TRIB1: variants seen among roughly 807,000 people sequenced by gnomAD.
The protein encoded by TRIB1 is tribbles pseudokinase 1, also known as tribbles homolog 1.
Under a neutral mutation model 27.8 loss-of-function variants are expected in TRIB1, and 12 were observed. The observed-to-expected ratio is 0.43, with a 90% CI of 0.28 to 0.70. TRIB1 has a LOEUF of 0.70. Ranked by LOEUF, TRIB1 falls within the 30% of genes least tolerant of loss-of-function variation. The pLI, the probability that TRIB1 is intolerant of heterozygous loss-of-function variation, is 0.18. For missense variants in TRIB1, 475 were observed against 515.8 expected, an observed-to-expected ratio of 0.92 and a Z score of 0.77; for synonymous variants, 230 against 224.9, an observed-to-expected ratio of 1.02 and a Z score of -0.20.
rs1474224676 is a variant in TRIB1 at position 125,430,530 on chromosome 8, C to G, written c.-373C>G. 5.0e-6 allele frequency: 1 copy of G among 201,226 alleles called. No individual in the cohort carries two copies. The highest frequency in any genetic ancestry group is 1.0e-5 in the Non-Finnish European group (1 of 99,556). The allele number at this position is 201,226 out of a possible 1,614,324, so 12.5% of individuals were successfully genotyped here. A position where few individuals can be genotyped will look rare whatever the true frequency, so the allele number is the denominator to read the frequency against. On this transcript the variant is annotated 5_prime_UTR_variant, in exon 1 of 3. It adds an upstream start codon to the 5' untranslated region. Coordinates refer to ENST00000311922, the MANE Select transcript of TRIB1 (RefSeq NM_025195.4). Reference sequence around the variant, plus strand: ...CGTGGCTCCGCCGAGCCTGCTGAATCCTGTCCTCGCGGCTCGGGACCCCGG... The same window carrying G: ...CGTGGCTCCGCCGAGCCTGCTGAATGCTGTCCTCGCGGCTCGGGACCCCGG...
rs969410055 is a variant in TRIB1, at chr8:125,436,684, T to C, written c.*213T>C. The stretch of plus-strand genomic sequence containing the variant: ...TGATTGGCTGCCCTGCAAATTTGTT[T>C]CCCTTAAGGAACCCTCACCAACTAT... On this transcript the variant is annotated 3_prime_UTR_variant, in exon 3 of 3. Transcript: ENST00000311922. The C allele has an allele frequency of 1.0e-5, 6 of 601,302 alleles. No individual in the cohort carries two copies. In the African/African-American group the frequency reaches 1.1e-4, roughly 11 times the overall value. 37.2% of individuals were successfully genotyped at this position (601,302 alleles called of 1,614,324 possible).
rs150909783 is a variant in TRIB1, at chr8:125,433,487, G to A, written c.531G>A (p.Leu177=). 1 of 1,614,118 alleles carries A rather than the reference G, an allele frequency of 6.2e-7. No individual in the cohort carries two copies. The highest frequency in any genetic ancestry group is 2.2e-5 in the East Asian group (1 of 44,898). Residue 177 remains leucine, a synonymous_variant, in exon 2 of 3, where the codon CTG becomes CTA. Coordinates refer to ENST00000311922, the MANE Select transcript of TRIB1 (RefSeq NM_025195.4). The surrounding 1 kb of genome is among the most constrained non-coding windows in gnomAD (Gnocchi z 4.4). ...MHSYVRSRKR[L]REEEAARLFK... is the part of the protein sequence containing the mutation. ...CCTATGTGCGAAGCCGGAAGAGGCTGCGGGAAGAGGAAGCCGCCCGGCTCT... is the reference window on the plus strand; with the variant it reads ...CCTATGTGCGAAGCCGGAAGAGGCTACGGGAAGAGGAAGCCGCCCGGCTCT...
rs769376251 is a variant in TRIB1 at position 125,433,073 on chromosome 8, C to G, written c.361-244C>G. ...ACAGGAGACAGTTCTTTCAAATCAT[C>G]TGTGTGAAAGCGGGTAACCCTTTGG... On this transcript the variant is annotated intron_variant, in intron 1 of 2. Transcript: ENST00000311922. This position sits in a 1 kb window ranked among gnomAD's most constrained non-coding sequence, Gnocchi z 4.4. The G allele has an allele frequency of 1.8e-4, 92 of 503,208 alleles. No homozygotes were observed. Among genetic ancestry groups the G allele is most frequent in the Non-Finnish European group, 3.0e-4 (83 of 280,028 alleles). 31.2% of individuals were successfully genotyped at this position (503,208 alleles called of 1,614,324 possible).
chr8:125,433,811 C>A lies in TRIB1; in HGVS notation c.653+202C>A, dbSNP rs115975962. 5.1e-6 allele frequency: 3 copies of A among 586,686 alleles called. No individual in the cohort carries two copies. Among genetic ancestry groups the A allele is most frequent in the Non-Finnish European group, 8.8e-6 (3 of 339,098 alleles). The allele number at this position is 586,686 out of a possible 1,614,324, so 36.3% of individuals were successfully genotyped here. A position where few individuals can be genotyped will look rare whatever the true frequency, so the allele number is the denominator to read the frequency against. ...TCTCTTGGACGGGGCCTGGGGACAC[C>A]GTGGCGCTTCTATGGGATGGCAAGT... is the stretch of plus-strand genomic sequence containing the variant. On this transcript the variant is annotated intron_variant, in intron 2 of 2. Coordinates refer to ENST00000311922, the MANE Select transcript of TRIB1 (RefSeq NM_025195.4). The surrounding 1 kb of genome is among the most constrained non-coding windows in gnomAD (Gnocchi z 4.4).
At chr8:125,431,996 G>T (rs1042216811) in intron 1 of TRIB1, among the ~76,000 whole-genome samples, 2 of 152,134 alleles carry the variant, frequency 1.3e-5, no homozygotes, top group African/African-American at 4.8e-5. Flanking sequence ...GGATCCGCCG[G>T]GTCCTCCTCC....
At position 125,430,894 on chromosome 8, in the gene TRIB1, C is replaced by T; in HGVS notation, c.-9C>T. On this transcript the variant is annotated 5_prime_UTR_variant, in exon 1 of 3. Coordinates refer to ENST00000311922, the MANE Select transcript of TRIB1 (RefSeq NM_025195.4). ...TTAAAAAGCCGGGGCCACCCCGGCC[C>T]AGGACGGGATGCGGGTCGGTCCGGT... 6 of 1,422,214 alleles carry T rather than the reference C, an allele frequency of 4.2e-6. No individual in the cohort carries two copies. The highest frequency in any genetic ancestry group is 5.5e-6 in the Non-Finnish European group (6 of 1,095,072). 88.1% of individuals were successfully genotyped at this position (1,422,214 alleles called of 1,614,324 possible). A position where few individuals can be genotyped will look rare whatever the true frequency, so the allele number is the denominator to read the frequency against.
At chr8:125,435,179 T>C (rs1277935597) in intron 2 of TRIB1, among the ~76,000 whole-genome samples, 1 of 151,596 alleles carries the variant, frequency 6.6e-6, no homozygotes, top group Non-Finnish European at 1.5e-5. Context: ...ACTGAAGGTG[T>C]TTTAGACTTT....
chr8:125,431,606 A>AC (rs538448003), intron 1 of TRIB1, among the ~76,000 whole-genome samples: 2 of 147,618 alleles, frequency 1.4e-5, no homozygotes, highest in Admixed American at 6.7e-5. Flanking sequence ...CTCGCTCTCC[A>AC]CCCCCCCTCC....
chr8:125,431,020 G>C lies in TRIB1; in HGVS notation c.118G>C (p.Ala40Pro). The change falls in exon 1 of 3, where the codon GCG becomes CCG. Residue 40 changes from alanine (A) to proline (P), a missense_variant. By Grantham distance (27) the Ala-to-Pro change is conservative (BLOSUM62 -1). Coordinates refer to ENST00000311922, the MANE Select transcript of TRIB1 (RefSeq NM_025195.4). ...PAKRLLDADD[A>P]AAVAAKCPRL... ...CAAACGCCTGCTGGACGCCGACGAC[G>C]CGGCGGCTGTGGCGGCCAAGTGCCC... 1 of 1,462,888 alleles carries C rather than the reference G, an allele frequency of 6.8e-7. No homozygotes were observed. The highest frequency in any genetic ancestry group is 9.0e-7 in the Non-Finnish European group (1 of 1,115,344). The allele number at this position is 1,462,888 out of a possible 1,614,324, so 90.6% of individuals were successfully genotyped here.
Position 125,436,430 on chromosome 8 carries a change from G to C in TRIB1, c.1078G>C (p.Glu360Gln), listed in dbSNP as rs1563825399. The C allele has an allele frequency of 6.2e-7, 1 of 1,613,910 alleles. No homozygotes were observed. The highest frequency in any genetic ancestry group is 8.5e-7 in the Non-Finnish European group (1 of 1,180,020). ...EIGTSDQIVP[E>Q]YQEDSDISSF... ...AGGAACTTCAGACCAGATTGTTCCAGAGTACCAGGAGGACAGTGACATTAG... is the reference window on the plus strand; with the variant it reads ...AGGAACTTCAGACCAGATTGTTCCACAGTACCAGGAGGACAGTGACATTAG... The change falls in exon 3 of 3, where the codon GAG becomes CAG. Residue 360 changes from glutamate to glutamine, a missense_variant. Physicochemically the swap from Glu to Gln is conservative, Grantham distance 29. Transcript: ENST00000311922.
rs138022510 is a variant in TRIB1 at position 125,436,299 on chromosome 8, G to A, written c.947G>A (p.Arg316His). The change falls in exon 3 of 3, where the codon CGC becomes CAC. Residue 316 changes from arginine (R) to histidine (H), a missense_variant. Physicochemically the swap from Arg to His is conservative, Grantham distance 29. Coordinates refer to ENST00000311922, the MANE Select transcript of TRIB1 (RefSeq NM_025195.4). ...TCCCCCAAAGCCAGGTGCCTCATTCGCAGCCTCTTGAGACGGGAGCCCTCC... is the reference window on the plus strand; with the variant it reads ...TCCCCCAAAGCCAGGTGCCTCATTCACAGCCTCTTGAGACGGGAGCCCTCC... ...HISPKARCLI[R>H]SLLRREPSER... 152 of 1,613,676 alleles carry A rather than the reference G, an allele frequency of 9.4e-5. No homozygotes were observed. Among genetic ancestry groups the A allele is most frequent in the Non-Finnish European group, 1.2e-4 (142 of 1,179,986 alleles).
rs913001913 is a variant in TRIB1, at chr8:125,436,772, G to A, written c.*301G>A. On this transcript the variant is annotated 3_prime_UTR_variant, in exon 3 of 3. Transcript: ENST00000311922. Reference sequence around the variant, plus strand: ...GGCAGAGTATGGACATCTTACACCCGGTGGTCAAGTGTGTAATAAACTTGA... The same window carrying A: ...GGCAGAGTATGGACATCTTACACCCAGTGGTCAAGTGTGTAATAAACTTGA... The A allele has an allele frequency of 6.8e-6, 3 of 442,368 alleles. No individual in the cohort carries two copies. Among genetic ancestry groups the A allele is most frequent in the South Asian group, 3.1e-5 (1 of 32,006 alleles). The allele number at this position is 442,368 out of a possible 1,614,324, so 27.4% of individuals were successfully genotyped here. A position where few individuals can be genotyped will look rare whatever the true frequency, so the allele number is the denominator to read the frequency against.
rs981328314 is a variant in TRIB1, at chr8:125,433,198, A to G, written c.361-119A>G. The stretch of plus-strand genomic sequence containing the variant: ...GGTGGCAGAGGAAAGGAGTAGGTGA[A>G]TGGAACTTACTCACATCCTAAGCCC... On this transcript the variant is annotated intron_variant, in intron 1 of 2. Coordinates refer to ENST00000311922, the MANE Select transcript of TRIB1 (RefSeq NM_025195.4). This position sits in a 1 kb window ranked among gnomAD's most constrained non-coding sequence, Gnocchi z 4.4. 2.7e-6 allele frequency: 3 copies of G among 1,093,394 alleles called. No individual in the cohort carries two copies. The African/African-American group carries it at 4.8e-5, about 18-fold the overall frequency. The allele number at this position is 1,093,394 out of a possible 1,614,324, so 67.7% of individuals were successfully genotyped here. A position where few individuals can be genotyped will look rare whatever the true frequency, so the allele number is the denominator to read the frequency against.
Position 125,436,259 on chromosome 8 carries a change from A to C in TRIB1, c.907A>C (p.Ile303Leu). 6.2e-7 allele frequency: 1 copy of C among 1,613,974 alleles called. No individual in the cohort carries two copies. The highest frequency in any genetic ancestry group is 1.1e-5 in the South Asian group (1 of 91,062). ...FSKIRRGQFC[I>L]PEHISPKARC... ...CAAAATTCGGCGTGGACAGTTCTGC[A>C]TTCCTGAGCACATTTCCCCCAAAGC... is the stretch of plus-strand genomic sequence containing the variant. The change falls in exon 3 of 3, where the codon ATT becomes CTT. Residue 303 changes from isoleucine to leucine, a missense_variant. Coordinates refer to ENST00000311922, the MANE Select transcript of TRIB1 (RefSeq NM_025195.4).
chr8:125,435,332 G>A (rs1563824904), intron 2 of TRIB1, among the ~76,000 whole-genome samples: 1 of 152,054 alleles, frequency 6.6e-6, no homozygotes, highest in African/African-American at 2.4e-5. Context: ...TTGTTTGCTC[G>A]CATAACCTCT....
At chr8:125,432,600 C>T (rs533157157) in intron 1 of TRIB1, among the ~76,000 whole-genome samples, 1 of 152,214 alleles carries the variant, frequency 6.6e-6, no homozygotes, top group East Asian at 1.9e-4. Flanking sequence ...GGAGATGCTA[C>T]TCATTTCTAG....
chr8:125,430,679 G>T lies in TRIB1; in HGVS notation c.-224G>T, dbSNP rs1814637850. The T allele has an allele frequency of 2.1e-6, 1 of 487,070 alleles. No individual in the cohort carries two copies. Among genetic ancestry groups the T allele is most frequent in the Admixed American group, 4.6e-5 (1 of 21,860 alleles). 30.2% of individuals were successfully genotyped at this position (487,070 alleles called of 1,614,324 possible). ...TGCCTGCGGGGGTCCGGGGACTCGA[G>T]CCGGCCTCCGCCTCCCGGACGCACA... On this transcript the variant is annotated 5_prime_UTR_variant, in exon 1 of 3. Coordinates refer to ENST00000311922, the MANE Select transcript of TRIB1 (RefSeq NM_025195.4).
chr8:125,437,621 A>T lies in TRIB1; in HGVS notation c.*1150A>T, dbSNP rs1205172961. On this transcript the variant is annotated 3_prime_UTR_variant, in exon 3 of 3. Transcript: ENST00000311922. Reference sequence around the variant, plus strand: ...TTCTGGAGTGAAACAGCAAACCCCAAATCTTCAAAGTTGGAAGGAACTTTA... The same window carrying T: ...TTCTGGAGTGAAACAGCAAACCCCATATCTTCAAAGTTGGAAGGAACTTTA... 1 of 152,294 alleles carries T rather than the reference A, an allele frequency of 6.6e-6. No individual in the cohort carries two copies. Among genetic ancestry groups the T allele is most frequent in the South Asian group, 2.1e-4 (1 of 4,828 alleles). The allele number at this position is 152,294 out of a possible 1,614,324, so 9.4% of individuals were successfully genotyped here. A position where few individuals can be genotyped will look rare whatever the true frequency, so the allele number is the denominator to read the frequency against.
chr8:125,430,893 C>T lies in TRIB1; in HGVS notation c.-10C>T. The stretch of plus-strand genomic sequence containing the variant: ...CTTAAAAAGCCGGGGCCACCCCGGC[C>T]CAGGACGGGATGCGGGTCGGTCCGG... On this transcript the variant is annotated 5_prime_UTR_variant, in exon 1 of 3. Coordinates refer to ENST00000311922, the MANE Select transcript of TRIB1 (RefSeq NM_025195.4). 2 of 1,421,358 alleles carry T rather than the reference C, an allele frequency of 1.4e-6. No homozygotes were observed. Among genetic ancestry groups the T allele is most frequent in the Non-Finnish European group, 1.8e-6 (2 of 1,094,650 alleles). The allele number at this position is 1,421,358 out of a possible 1,614,324, so 88.0% of individuals were successfully genotyped here.
Sources: allele counts gnomAD v4.1 joint callset (sites outside exome capture counted in the v4.1 genomes callset), GRCh38; gene constraint gnomAD v4.1.1; non-coding constraint Gnocchi (gnomAD v3.1); transcripts MANE v1.5; gene names NCBI Gene and HGNC (gene_info 2026-07-23, HGNC 2026-07-21).